DENND4C: variants seen among roughly 807,000 people sequenced by gnomAD.
DENND4C encodes DENN domain-containing protein 4C.
DENND4C carries 108 observed loss-of-function variants against 203.0 expected under a neutral mutation model. The ratio of observed to expected loss-of-function variants is 0.53; its 90% CI spans 0.46 to 0.62. The LOEUF (loss-of-function observed/expected upper bound fraction) is 0.62, where lower values mean the gene tolerates loss of function less well. Ranked by LOEUF, DENND4C falls within the 20% of genes least tolerant of loss-of-function variation. The pLI is 0.00. For missense variants in DENND4C, 2,481 were observed against 2,301.2 expected (o/e 1.08, Z -1.60); for synonymous variants, 871 against 792.4 (o/e 1.10, Z -1.67).
intron 2 of DENND4C, 111 bp from the exon 3 acceptor site, chr9:19,286,658 A>T (rs912537657): frequency 1.0e-5 from 11 of 1,092,934 alleles, no homozygotes; most frequent in Admixed American, 4.3e-5. Flanking sequence ...ATTTTCTTTG[A>T]TTTCAAGAAG....
chr9:19,283,530 T>C (rs1447032962), intron 2 of DENND4C, among the ~76,000 whole-genome samples: 2 of 152,042 alleles, frequency 1.3e-5, no homozygotes, highest in Non-Finnish European at 2.9e-5. Flanking sequence ...GCATCATCAT[T>C]ATGTGGTGCA....
rs550651391 is a variant in DENND4C at position 19,256,483 on chromosome 9, A to G, written c.-17-19675A>G. Among the ~76,000 whole-genome samples, 337 of 151,318 alleles carry G rather than the reference A, an allele frequency of 2.2e-3. 1 individual carries two copies. The highest frequency in any genetic ancestry group is 3.7e-3 in the Non-Finnish European group (254 of 67,818). ...AGGCATGCGCCACCACACCCGGCTA[A>G]TTTTGTACTTTTAGAAGAGAGAGGT... On this transcript the variant is annotated intron_variant, in intron 1 of 32. Coordinates refer to ENST00000434457, the MANE Select transcript of DENND4C (RefSeq NM_001330640.2).
chr9:19,372,044 T>G lies in DENND4C; in HGVS notation c.5748T>G (p.Phe1916Leu). The change falls in exon 33 of 33, where the codon TTT (phenylalanine) becomes TTG (leucine). Residue 1916 changes from phenylalanine (F) to leucine (L), a missense_variant. Phe to Leu is a conservative substitution (Grantham distance 22). Transcript: ENST00000434457. Reference protein sequence around the residue: ...LGRENIDIEAFDNEYGIAYNS... With the variant: ...LGRENIDIEALDNEYGIAYNS... ...TTTGAAAATTTCTTTCAGAGGCATT[T>G]GACAATGAATATGGAATTGCATACA... 6.2e-7 allele frequency: 1 copy of G among 1,601,628 alleles called. No individual in the cohort carries two copies. Among genetic ancestry groups the G allele is most frequent in the Non-Finnish European group, 8.5e-7 (1 of 1,175,378 alleles).
At chr9:19,370,232 AG>A (rs1419888343) in intron 31 of DENND4C, among the ~76,000 whole-genome samples, 5 of 152,114 alleles carry the variant, frequency 3.3e-5, no homozygotes, top group Non-Finnish European at 5.9e-5. Context: ...CCAAAGCAGG[AG>A]GATTGCTTGC....
At chr9:19,269,270 C>T (rs983287890) in intron 1 of DENND4C, among the ~76,000 whole-genome samples, 4 of 151,994 alleles carry the variant, frequency 2.6e-5, no homozygotes, top group African/African-American at 9.7e-5. Flanking sequence ...CAAGCAATTC[C>T]CCTGCCTCGC....
intron 6 of DENND4C, among the ~76,000 whole-genome samples, chr9:19,296,884 C>T (rs1245131776): frequency 6.6e-6 from 1 of 152,194 alleles, no homozygotes; most frequent in Non-Finnish European, 1.5e-5. Context: ...CGTAATACCT[C>T]TCTAAAGTGA....
At chr9:19,312,638 A>G (rs1297681756) in intron 10 of DENND4C, among the ~76,000 whole-genome samples, 1 of 152,194 alleles carries the variant, frequency 6.6e-6, no homozygotes, top group Non-Finnish European at 1.5e-5. Flanking sequence ...GAGCTGTGTG[A>G]TCATACTAAA....
rs187577140 is a variant in DENND4C, at chr9:19,251,969, C to T, written c.-18+21136C>T. 1.0e-3 allele frequency among the ~76,000 whole-genome samples: 153 copies of T among 152,332 alleles called. 1 individual carries two copies. Among genetic ancestry groups the T allele is most frequent in the Non-Finnish European group, 1.1e-3 (78 of 68,038 alleles). On this transcript the variant is annotated intron_variant, in intron 1 of 32. Transcript: ENST00000434457. ...ACTGTTCCAGCCTCTGCCTGTTACC[C>T]AGTTCGAAAGTCGCTTCCACATTTT...
intron 10 of DENND4C, among the ~76,000 whole-genome samples, chr9:19,312,100 T>A (rs1263968715): frequency 6.6e-6 from 1 of 152,060 alleles, no homozygotes; most frequent in Non-Finnish European, 1.5e-5. Flanking sequence ...AAAAGATATT[T>A]TGTTTTTGTT....
At chr9:19,342,608 A>C in intron 21 of DENND4C, 25 bp from the exon 22 acceptor site, 1 of 1,573,226 alleles carries the variant, frequency 6.4e-7, no homozygotes, top group South Asian at 1.2e-5. Context: ...AGTAGGAATG[A>C]TAACATCCAA....
At chr9:19,245,514 G>A (rs1361637123) in intron 1 of DENND4C, among the ~76,000 whole-genome samples, 4 of 148,920 alleles carry the variant, frequency 2.7e-5, no homozygotes, top group Non-Finnish European at 3.0e-5. Flanking sequence ...TAGTCAGGAC[G>A]GAGAACCATT....
At chr9:19,356,788 T>TGTGAGAGAGAGAGA (rs1266119304) in intron 26 of DENND4C, among the ~76,000 whole-genome samples, 184 bp from the exon 27 acceptor site, 1,508 of 140,244 alleles carry the variant, frequency 0.011, 30 homozygotes, top group African/African-American at 0.04. Flanking sequence ...TGTGTGTGTG[T>TGTGAGAGAGAGAGA]GAGAGAGAGA....
intron 21 of DENND4C, among the ~76,000 whole-genome samples, chr9:19,342,047 C>T (rs1055615343): frequency 3.4e-5 from 5 of 148,546 alleles, no homozygotes; most frequent in African/African-American, 1.0e-4. Flanking sequence ...TCATTTGAAC[C>T]TGGGAAGCGA....
intron 2 of DENND4C, among the ~76,000 whole-genome samples, chr9:19,285,059 C>T (rs1834912027): frequency 6.6e-6 from 1 of 152,126 alleles, no homozygotes; most frequent in Non-Finnish European, 1.5e-5. Context: ...GAAGTATAGA[C>T]AGAATTTTAT....
chr9:19,305,400 C>A lies in DENND4C; in HGVS notation c.1360C>A (p.Leu454Ile). ...WQCPYIPLCP[L>I]SLAAVLSAPL... Reference sequence around the variant, plus strand: ...ATGCCCATATATTCCCCTTTGTCCTCTTTCACTGGCTGCAGTGCTTAGTGC... The same window carrying A: ...ATGCCCATATATTCCCCTTTGTCCTATTTCACTGGCTGCAGTGCTTAGTGC... The change falls in exon 10 of 33, where the codon CTT becomes ATT. Residue 454 changes from leucine (L) to isoleucine (I), a missense_variant. Leu to Ile is a conservative substitution (Grantham distance 5). Coordinates refer to ENST00000434457, the MANE Select transcript of DENND4C (RefSeq NM_001330640.2). The A allele has an allele frequency of 6.2e-7, 1 of 1,613,860 alleles. No individual in the cohort carries two copies. Among genetic ancestry groups the A allele is most frequent in the Non-Finnish European group, 8.5e-7 (1 of 1,179,860 alleles).
At chr9:19,291,947 A>AT (rs1485029413) in intron 5 of DENND4C, among the ~76,000 whole-genome samples, 2 of 152,216 alleles carry the variant, frequency 1.3e-5, no homozygotes, top group East Asian at 3.8e-4. Flanking sequence ...TGATGAAAAA[A>AT]TTGAGTCTTC....
chr9:19,345,188 G>A (rs1822579556), intron 22 of DENND4C, among the ~76,000 whole-genome samples: 1 of 152,204 alleles, frequency 6.6e-6, no homozygotes, highest in Non-Finnish European at 1.5e-5. Context: ...GAAACAAATT[G>A]CATGGTAGCC....
intron 1 of DENND4C, among the ~76,000 whole-genome samples, chr9:19,259,827 C>T (rs1263463335): frequency 2.6e-5 from 4 of 152,112 alleles, no homozygotes; most frequent in Non-Finnish European, 4.4e-5. Flanking sequence ...TTTCTTTATC[C>T]ATTTGTCTGT....
intron 20 of DENND4C, among the ~76,000 whole-genome samples, chr9:19,337,968 T>C (rs1171614441): frequency 6.6e-6 from 1 of 152,176 alleles, no homozygotes; most frequent in Non-Finnish European, 1.5e-5. Flanking sequence ...CATTGAAGAA[T>C]TAATTGTTTC....
Sources: gnomAD v4.1 joint callset for allele counts (sites outside exome capture counted in the v4.1 genomes callset) on GRCh38, gnomAD v4.1.1 for gene constraint, MANE v1.5 for transcripts, NCBI Gene and HGNC (gene_info 2026-07-23, HGNC 2026-07-21) for gene names.